Variants in SAXO5 observed in about 807,000 individuals in gnomAD.
SAXO5 encodes the protein testis expressed 45.
the SAXO5 span, chr19:7,504,267 G>C: frequency 6.2e-7 from 1 of 1,613,718 alleles, no homozygotes; most frequent in Non-Finnish European, 8.5e-7. Context: ...GGGCAGAATT[G>C]GGGGCTGGGT....
At chr19:7,502,465 T>C in the SAXO5 span, among the ~76,000 whole-genome samples, 1 of 152,006 alleles carries the variant, frequency 6.6e-6, no homozygotes, top group Non-Finnish European at 1.5e-5. Flanking sequence ...AGACAGCGGG[T>C]AGAGGCCAGA....
the SAXO5 span, among the ~76,000 whole-genome samples, chr19:7,502,489 A>G: frequency 5.3e-5 from 8 of 152,176 alleles, no homozygotes; most frequent in African/African-American, 1.7e-4. Context: ...GCTGCCAAGT[A>G]TCCTCCCAGC....
chr19:7,501,153 G>A, the SAXO5 span: 1 of 1,511,512 alleles, frequency 6.6e-7, no homozygotes, highest in Admixed American at 2.1e-5. Context: ...CATGCAGGCC[G>A]GCAACCTGCA....
chr19:7,505,673 CAG>C, the SAXO5 span: 1 of 1,552,506 alleles, frequency 6.4e-7, no homozygotes, highest in Non-Finnish European at 8.9e-7. Flanking sequence ...GCTTCCCAGA[CAG>C]AGCAAATAGC....
At chr19:7,502,398 C>G in the SAXO5 span, among the ~76,000 whole-genome samples, 1 of 152,184 alleles carries the variant, frequency 6.6e-6, no homozygotes, top group African/African-American at 2.4e-5. Flanking sequence ...GCATGAGCCA[C>G]TGAGCCCAGC....
the SAXO5 span, chr19:7,500,005 A>C: frequency 2.7e-5 from 4 of 147,588 alleles, no homozygotes; most frequent in Non-Finnish European, 5.9e-5. Flanking sequence ...CTGGTCCTGA[A>C]CTCCCGGGCT....
At chr19:7,501,498 GCAA>G in the SAXO5 span, 1 of 1,302,740 alleles carries the variant, frequency 7.7e-7, no homozygotes, top group Admixed American at 3.9e-5. Context: ...GGAACATTTG[GCAA>G]TGTCTGGAAA....
chr19:7,503,066 C>G, the SAXO5 span, among the ~76,000 whole-genome samples: 1 of 152,156 alleles, frequency 6.6e-6, no homozygotes, highest in Admixed American at 6.6e-5. Flanking sequence ...GATACCAGGT[C>G]CAAGAAGAAG....
chr19:7,501,149 G>C, the SAXO5 span: 1 of 1,511,014 alleles, frequency 6.6e-7, no homozygotes, highest in Non-Finnish European at 8.8e-7. Context: ...TCGCCATGCA[G>C]GCCGGCAACC....
At chr19:7,498,353 G>T in the SAXO5 span, among the ~76,000 whole-genome samples, 1 of 151,378 alleles carries the variant, frequency 6.6e-6, no homozygotes, top group African/African-American at 2.4e-5. Context: ...TGGGATGACA[G>T]GTGCATACTA....
the SAXO5 span, chr19:7,505,415 C>A: frequency 6.2e-7 from 1 of 1,614,198 alleles, no homozygotes; most frequent in Non-Finnish European, 8.5e-7. Context: ...CAAGGCCGAG[C>A]ACTTCTATGC....
the SAXO5 span, chr19:7,508,248 T>G: frequency 1.9e-6 from 3 of 1,614,034 alleles, no homozygotes; most frequent in Non-Finnish European, 2.5e-6. Flanking sequence ...TGGACTGCGC[T>G]TCTTCTCAAC....
the SAXO5 span, among the ~76,000 whole-genome samples, chr19:7,500,094 C>T: frequency 6.6e-6 from 1 of 151,996 alleles, no homozygotes; most frequent in Non-Finnish European, 1.5e-5. Flanking sequence ...TACCTTCTAA[C>T]CTACTCTTCA....
the SAXO5 span, chr19:7,506,181 A>G: frequency 2.0e-6 from 3 of 1,486,206 alleles, no homozygotes; most frequent in Middle Eastern, 2.3e-4. Flanking sequence ...CGCTCCCGGG[A>G]AGCCCCGCCC....
At chr19:7,500,267 C>T in the SAXO5 span, among the ~76,000 whole-genome samples, 2 of 152,018 alleles carry the variant, frequency 1.3e-5, no homozygotes, top group African/African-American at 4.8e-5. Context: ...GTGGTGCCTA[C>T]TGTGTGCCAG....
the SAXO5 span, chr19:7,507,010 C>G: frequency 6.6e-7 from 1 of 1,520,126 alleles, no homozygotes; most frequent in Non-Finnish European, 9.1e-7. Flanking sequence ...CTCAGCCCCG[C>G]CTCGGCCCAC....
the SAXO5 span, chr19:7,505,901 C>CT: frequency 1.6e-5 from 24 of 1,478,872 alleles, no homozygotes; most frequent in Non-Finnish European, 2.2e-5. Flanking sequence ...CACCTCCTCC[C>CT]TCCCCCCCGG....
the SAXO5 span, chr19:7,506,403 A>G: frequency 2.0e-6 from 1 of 507,716 alleles, no homozygotes; most frequent in Admixed American, 3.0e-5. Flanking sequence ...ATTGACCAGA[A>G]CCCCAACTCT....
chr19:7,505,220 T>C, the SAXO5 span: 1 of 1,075,878 alleles, frequency 9.3e-7, no homozygotes, highest in African/African-American at 1.6e-5. Flanking sequence ...TGACCTCAGG[T>C]GATCCACCCA....
Sources: gnomAD v4.1 joint callset for allele counts (sites outside exome capture counted in the v4.1 genomes callset) on GRCh38, gnomAD v4.1.1 for gene constraint, MANE v1.5 for transcripts, NCBI Gene and HGNC (gene_info 2026-07-23, HGNC 2026-07-21) for gene names.